RBM6: variants seen among roughly 807,000 people sequenced by gnomAD.
RBM6 encodes the protein RNA-binding protein 6.
In RBM6, 23 loss-of-function variants were observed where a neutral mutation model predicts 140.4. The observed-to-expected ratio is 0.16, with a 90% CI of 0.12 to 0.23. The LOEUF is 0.23. RBM6 is among the 10% of genes least tolerant of loss of function. RBM6 has a pLI of 1.00. For missense variants in RBM6, 1,139 were observed against 1,386.7 expected, an observed-to-expected ratio of 0.82 and a Z score of 2.84; for synonymous variants, 439 against 475.6, an observed-to-expected ratio of 0.92 and a Z score of 1.00.
Position 50,061,979 on chromosome 3 carries a change from C to T in RBM6, c.2457C>T (p.Pro819=), listed in dbSNP as rs200245501. 1.2e-6 allele frequency: 2 copies of T among 1,613,542 alleles called. No individual in the cohort carries two copies. The highest frequency in any genetic ancestry group is 1.7e-6 in the Non-Finnish European group (2 of 1,179,842). Residue 819 remains proline, a synonymous_variant, in exon 15 of 21, where the codon CCC becomes CCT. Transcript: ENST00000266022. The stretch of plus-strand genomic sequence containing the variant: ...TATCGCAGCAAGAAGTCTATGTGCC[C>T]CAGGATCCTGGATTACCTGAGGAAG... ...DPNTQQEVYV[P]QDPGLPEEEE...
rs1283285147 is a variant in RBM6 at position 50,057,935 on chromosome 3, C to A, written c.1901C>A (p.Pro634Gln). The change falls in exon 9 of 21, where the codon CCA becomes CAA. Residue 634 changes from proline (P) to glutamine (Q), a missense_variant. This residue lies in a region of RBM6 where 109 missense variants were observed against 101.9 expected (regional missense o/e 1.07). Transcript: ENST00000266022. ...RYLPPSRREGPTFRRDRERES... is the reference protein window; with the variant it reads ...RYLPPSRREGQTFRRDRERES... ...CTGCCTCCTTCTCGAAGGGAAGGGC[C>A]AACTTTCCGAAGAGACCGAGAGAGG... is the stretch of plus-strand genomic sequence containing the variant. 6.2e-7 allele frequency: 1 copy of A among 1,614,076 alleles called. No homozygotes were observed. The highest frequency in any genetic ancestry group is 1.7e-5 in the Admixed American group (1 of 60,012).
At chr3:50,003,738 C>A (rs2086449878) in intron 6 of RBM6, among the ~76,000 whole-genome samples, 1 of 152,148 alleles carries the variant, frequency 6.6e-6, no homozygotes, top group Admixed American at 6.5e-5. Context: ...GGTGACCGAT[C>A]AGGGTATCAC....
At position 49,972,045 on chromosome 3, in the gene RBM6, A is replaced by G. The variant is rs1174527847; in HGVS notation, c.1324-14A>G. 2 of 1,576,700 alleles carry G rather than the reference A, an allele frequency of 1.3e-6. No individual in the cohort carries two copies. The highest frequency in any genetic ancestry group is 1.7e-6 in the Non-Finnish European group (2 of 1,150,708). ...AAGTATATTTGTGAAATAATTTTTC[A>G]TTCTCAATTTAAGGATCAAGATTAT... On this transcript the variant is annotated splice_polypyrimidine_tract_variant and intron_variant, in intron 3 of 20. Coordinates refer to ENST00000266022, the MANE Select transcript of RBM6 (RefSeq NM_005777.3).
At chr3:50,063,806 C>A (rs2090026727) in intron 15 of RBM6, among the ~76,000 whole-genome samples, 1 of 150,894 alleles carries the variant, frequency 6.6e-6, no homozygotes, top group African/African-American at 2.4e-5. Flanking sequence ...GAGGCTGAGG[C>A]AGGAGAATCT....
At chr3:50,028,765 AT>A (rs1256570155) in intron 6 of RBM6, among the ~76,000 whole-genome samples, 1 of 152,240 alleles carries the variant, frequency 6.6e-6, no homozygotes, top group African/African-American at 2.4e-5. Flanking sequence ...GCAACATATG[AT>A]GAGCTAAATA....
intron 1 of RBM6, among the ~76,000 whole-genome samples, chr3:49,947,973 A>T (rs1321790185): frequency 6.6e-6 from 1 of 152,204 alleles, no homozygotes; most frequent in Non-Finnish European, 1.5e-5. Flanking sequence ...GCCTGGCTGT[A>T]ATCCCAGCTA....
At chr3:50,007,516 T>A (rs2086638417) in intron 6 of RBM6, among the ~76,000 whole-genome samples, 1 of 151,010 alleles carries the variant, frequency 6.6e-6, no homozygotes, top group Non-Finnish European at 1.5e-5. Flanking sequence ...GCCTTAGCCT[T>A]CAAGAGAGAA....
intron 6 of RBM6, among the ~76,000 whole-genome samples, chr3:50,013,033 G>T (rs1017960287): frequency 3.3e-5 from 5 of 152,140 alleles, no homozygotes; most frequent in Non-Finnish European, 7.3e-5. Flanking sequence ...GTGAGCCACC[G>T]TGCCAGGCCC....
chr3:49,984,006 T>A (rs2085427942), intron 5 of RBM6, among the ~76,000 whole-genome samples: 1 of 152,130 alleles, frequency 6.6e-6, no homozygotes, highest in African/African-American at 2.4e-5. Flanking sequence ...TTTTTAAAAT[T>A]TCCCGCTGGG....
At chr3:49,982,226 G>A (rs896307659) in intron 5 of RBM6, among the ~76,000 whole-genome samples, 1 of 148,238 alleles carries the variant, frequency 6.7e-6, no homozygotes, top group Non-Finnish European at 1.5e-5. Flanking sequence ...TGACGTTGTA[G>A]CAAAGGCCCT....
At chr3:50,014,402 T>A (rs1451042645) in intron 6 of RBM6, among the ~76,000 whole-genome samples, 2 of 152,210 alleles carry the variant, frequency 1.3e-5, no homozygotes, top group Non-Finnish European at 2.9e-5. Flanking sequence ...TCCAGCAGAA[T>A]GAGGGAGTAG....
At chr3:50,072,427 G>T (rs912718632) in intron 19 of RBM6, among the ~76,000 whole-genome samples, 23 of 151,116 alleles carry the variant, frequency 1.5e-4, no homozygotes, top group African/African-American at 5.1e-4. Flanking sequence ...AAAAAGAAAA[G>T]AAAAGAAAAG....
chr3:49,991,345 A>C (rs2085815171), intron 5 of RBM6, among the ~76,000 whole-genome samples: 2 of 152,184 alleles, frequency 1.3e-5, no homozygotes, highest in South Asian at 4.1e-4. Flanking sequence ...TTATGTAGGC[A>C]GGATTGATTA....
chr3:49,947,646 A>G (rs1486689282), intron 1 of RBM6, among the ~76,000 whole-genome samples: 2 of 152,136 alleles, frequency 1.3e-5, no homozygotes, highest in Non-Finnish European at 1.5e-5. Flanking sequence ...CCTCATCTGC[A>G]AATATTACCA....
intron 15 of RBM6, 118 bp downstream of exon 15, chr3:50,062,226 C>A: frequency 1.6e-6 from 2 of 1,255,928 alleles, no homozygotes; most frequent in Admixed American, 2.7e-5. Flanking sequence ...CTCTGTCAGC[C>A]GGGCGTGGTG....
intron 8 of RBM6, among the ~76,000 whole-genome samples, chr3:50,055,358 A>G (rs2089659023): frequency 6.6e-6 from 1 of 152,164 alleles, no homozygotes. Context: ...TGAACCCAGG[A>G]GTCAGAGGTT....
intron 14 of RBM6, 55 bp downstream of exon 14, chr3:50,061,602 T>C (rs2089948060): frequency 6.4e-7 from 1 of 1,557,990 alleles, no homozygotes; most frequent in Non-Finnish European, 8.6e-7. Flanking sequence ...TCAATGATTC[T>C]TTTGAGAAAA....
intron 6 of RBM6, among the ~76,000 whole-genome samples, chr3:50,003,475 T>G (rs1375701928): frequency 2.0e-5 from 3 of 152,206 alleles, no homozygotes; most frequent in Non-Finnish European, 4.4e-5. Context: ...ACTTTGAGTT[T>G]TTTTGTAACT....
chr3:50,072,566 A>C (rs375227057), intron 19 of RBM6, among the ~76,000 whole-genome samples: 50 of 152,296 alleles, frequency 3.3e-4, no homozygotes, highest in East Asian at 2.3e-3. Context: ...ACCCACAATA[A>C]GAGAAGTATT....
Sources: gnomAD v4.1 joint callset for allele counts (sites outside exome capture counted in the v4.1 genomes callset) on GRCh38, gnomAD v4.1.1 for gene constraint, gnomAD v4.1.1 regional missense constraint, MANE v1.5 for transcripts, NCBI Gene and HGNC (gene_info 2026-07-23, HGNC 2026-07-21) for gene names.